BDNF: variants seen among roughly 807,000 people sequenced by gnomAD.
The protein encoded by BDNF is brain derived neurotrophic factor.
A neutral mutation model predicts 19.5 loss-of-function variants in BDNF; 1 was observed. That is an observed-to-expected ratio of 0.05 (90% CI 0.02 to 0.24). The LOEUF (loss-of-function observed/expected upper bound fraction) is 0.24, where lower values mean the gene tolerates loss of function less well. Ranked by LOEUF, BDNF falls within the 10% of genes least tolerant of loss-of-function variation. BDNF has a pLI of 1.00. For synonymous variants in BDNF, 100 were observed against 121.6 expected (o/e 0.82, Z 1.17); for missense variants, 195 against 317.6 (o/e 0.61, Z 2.93).
intron 1 of BDNF, among the ~76,000 whole-genome samples, chr11:27,667,724 T>C (rs1854607375): frequency 6.6e-6 from 1 of 152,188 alleles, no homozygotes; most frequent in South Asian, 2.1e-4. Flanking sequence ...CTAACTATCC[T>C]AAAAATATAT....
At chr11:27,704,559 A>C (rs932413435), upstream of BDNF, among the ~76,000 whole-genome samples, 11 of 152,122 alleles carry the variant, frequency 7.2e-5, no homozygotes, top group Non-Finnish European at 1.3e-4. Context: ...AAAAAAAATA[A>C]GTTGTCTAGT....
chr11:27,669,905 CTACTT>C (rs1396283006), intron 1 of BDNF, among the ~76,000 whole-genome samples: 2 of 149,486 alleles, frequency 1.3e-5, no homozygotes, highest in East Asian at 2.0e-4. Flanking sequence ...TGGAAAAAAA[CTACTT>C]TAAAGTTCAT....
chr11:27,706,025 G>A (rs1227950194), intron 1 of BDNF, among the ~76,000 whole-genome samples: 2 of 152,204 alleles, frequency 1.3e-5, no homozygotes, highest in African/African-American at 2.4e-5. Context: ...GGTTTGGTGT[G>A]TAGAAAGATG....
chr11:27,711,604 G>A (rs1860333148), intron 1 of BDNF, among the ~76,000 whole-genome samples: 1 of 152,116 alleles, frequency 6.6e-6, no homozygotes, highest in Admixed American at 6.5e-5. Flanking sequence ...ATGGACTTTG[G>A]AACCAGAAAA....
At chr11:27,721,102 G>A (rs1459312513) in intron 1 of BDNF, among the ~76,000 whole-genome samples, 2 of 149,850 alleles carry the variant, frequency 1.3e-5, no homozygotes, top group Admixed American at 1.3e-4. Context: ...CATAGAATAT[G>A]ATCATACACC....
At chr11:27,670,670 A>G (rs924391803) in intron 1 of BDNF, among the ~76,000 whole-genome samples, 2 of 152,246 alleles carry the variant, frequency 1.3e-5, no homozygotes, top group African/African-American at 4.8e-5. Context: ...GCTCATCATC[A>G]CTGGCCATCA....
intron 1 of BDNF, chr11:27,699,751 C>T (rs1859672177): frequency 5.4e-6 from 7 of 1,304,118 alleles, no homozygotes; most frequent in Admixed American, 3.1e-5. Flanking sequence ...CCACCCACCC[C>T]CTGGAAGGAT....
chr11:27,720,908 G>A (rs1054432646), intron 1 of BDNF: 13 of 347,822 alleles, frequency 3.7e-5, no homozygotes, highest in African/African-American at 2.4e-4. Flanking sequence ...ACCCATTACC[G>A]GTGATATGCA....
intron 1 of BDNF, chr11:27,674,753 A>C (rs367784915): frequency 4.1e-6 from 4 of 978,748 alleles, no homozygotes; most frequent in African/African-American, 1.8e-5. Flanking sequence ...TATAGAAGAC[A>C]TGCAAACTCA....
chr11:27,710,650 T>C (rs1183654052), intron 1 of BDNF, among the ~76,000 whole-genome samples: 1 of 152,218 alleles, frequency 6.6e-6, no homozygotes, highest in Non-Finnish European at 1.5e-5. Context: ...TTCTTCTCCA[T>C]ATCTGTAAAC....
intron 1 of BDNF, among the ~76,000 whole-genome samples, chr11:27,661,350 A>T (rs2133810624): frequency 6.6e-6 from 1 of 152,276 alleles, no homozygotes; most frequent in Middle Eastern, 3.4e-3. Context: ...ATTTTGGGCA[A>T]CCCAGGCATA....
chr11:27,665,708 C>T (rs944969923), intron 1 of BDNF, among the ~76,000 whole-genome samples: 4 of 152,168 alleles, frequency 2.6e-5, no homozygotes, highest in Admixed American at 6.5e-5. Flanking sequence ...AAAGCAGCAG[C>T]GAGGCTGGGG....
In BDNF at chr11:27,662,741, AAGG is replaced by A. The variant is rs1853663737; in HGVS notation, c.-21-4159_-21-4157del. On this transcript the variant is annotated intron_variant, in intron 1 of 1. Transcript: ENST00000356660. ...GAATCTAATGCTGCTGCTGATCTGA[AAGG>A]AGACAGAGCTCAGATGGCAATGTTT... Among the ~76,000 whole-genome samples the A allele has an allele frequency of 7.9e-5, 12 of 152,310 alleles. No homozygotes were observed. In the South Asian group the frequency reaches 2.5e-3, roughly 32 times the overall value.
chr11:27,663,929 CTT>C (rs1853883861), intron 1 of BDNF, among the ~76,000 whole-genome samples: 1 of 151,970 alleles, frequency 6.6e-6, no homozygotes. Context: ...ACAATGTGGT[CTT>C]TTTCTAAGAG....
At chr11:27,696,541 C>G (rs564479762) in intron 1 of BDNF, 10 of 152,322 alleles carry the variant, frequency 6.6e-5, no homozygotes, top group African/African-American at 2.4e-4. Context: ...CCACAGAATT[C>G]TCTCCTCGAT....
chr11:27,678,898 TTAAAC>T (rs369253206), intron 1 of BDNF, among the ~76,000 whole-genome samples: 113 of 152,216 alleles, frequency 7.4e-4, no homozygotes, highest in African/African-American at 2.6e-3. Flanking sequence ...TATCACAACA[TTAAAC>T]TAAGCACAAA....
chr11:27,700,187 G>A lies in BDNF; in HGVS notation c.-45C>T, dbSNP rs571631130. The A allele has an allele frequency of 1.0e-5, 10 of 985,714 alleles. No homozygotes were observed. The highest frequency in any genetic ancestry group is 1.2e-5 in the Non-Finnish European group (10 of 830,188). 61.1% of individuals were successfully genotyped at this position (985,714 alleles called of 1,614,324 possible). A position where few individuals can be genotyped will look rare whatever the true frequency, so the allele number is the denominator to read the frequency against. ...ACCTCGGGGTCCACACAAACCTCAC[G>A]GGTCCCCGGCGGCGGAGTCACATCG... On this transcript the variant is annotated 5_prime_UTR_variant, in exon 1 of 2. Transcript: ENST00000356660.
Position 27,658,807 on chromosome 11 carries a change from C to T in BDNF, c.-21-222G>A. The T allele has an allele frequency of 7.0e-7, 1 of 1,427,324 alleles. No homozygotes were observed. The highest frequency in any genetic ancestry group is 9.2e-7 in the Non-Finnish European group (1 of 1,087,620). The allele number at this position is 1,427,324 out of a possible 1,614,324, so 88.4% of individuals were successfully genotyped here. On this transcript the variant is annotated intron_variant, in intron 1 of 1. Transcript: ENST00000356660. This position sits in a 1 kb window ranked among gnomAD's most constrained non-coding sequence, Gnocchi z 5.7. ...AGACATGCAGTGTTTCCCCCAAGAT[C>T]TAGCATATAAACCTGAGATTAGATG...
At chr11:27,697,943 G>T (rs1005825558) in intron 1 of BDNF, 2 of 152,018 alleles carry the variant, frequency 1.3e-5, no homozygotes, top group African/African-American at 4.8e-5. Flanking sequence ...ATTTCTTTCT[G>T]CTTATATCAT....
Sources: gnomAD v4.1 joint callset for allele counts (sites outside exome capture counted in the v4.1 genomes callset) on GRCh38, gnomAD v4.1.1 for gene constraint, Gnocchi (gnomAD v3.1) non-coding constraint, MANE v1.5 for transcripts, NCBI Gene and HGNC (gene_info 2026-07-23, HGNC 2026-07-21) for gene names.